PTER: variants seen among roughly 807,000 people sequenced by gnomAD.
The protein encoded by PTER is phosphotriesterase related, also known as N-acetyltaurine hydrolase.
Under a neutral mutation model 29.6 loss-of-function variants are expected in PTER, and 38 were observed. That is an observed-to-expected ratio of 1.28 (90% CI 0.99 to 1.68). The LOEUF (loss-of-function observed/expected upper bound fraction) is 1.68. PTER is among the 40% of genes most tolerant of loss of function. The probability of loss-of-function intolerance (pLI) is 0.00; values close to 1 mark genes in which losing one functional copy is unlikely to be tolerated. For synonymous variants in PTER, 172 were observed against 154.5 expected, an observed-to-expected ratio of 1.11 and a Z score of -0.84; for missense variants, 482 against 427.8, an observed-to-expected ratio of 1.13 and a Z score of -1.12.
At chr10:16,495,168 C>CTTTTTTT (rs3047217) in intron 3 of PTER, among the ~76,000 whole-genome samples, 1 of 132,210 alleles carries the variant, frequency 7.6e-6, no homozygotes, top group African/African-American at 2.9e-5. Context: ...TTTGGAATTA[C>CTTTTTTT]TTTTTTTTTT....
At position 16,498,967 on chromosome 10, in the gene PTER, C is replaced by T. The variant is rs149184322; in HGVS notation, c.699-6053C>T. Among the ~76,000 whole-genome samples the T allele has an allele frequency of 4.4e-4, 67 of 152,264 alleles. No homozygotes were observed. In the East Asian group the frequency reaches 4.6e-3, roughly 11 times the overall value. On this transcript the variant is annotated intron_variant, in intron 3 of 4. Coordinates refer to ENST00000535784, the MANE Select transcript of PTER (RefSeq NM_001261836.2). ...TGTCACTACGATGGTGAGTGTGTCT[C>T]CGTAGTGTGAGTGCCTTGGAGGAGG...
chr10:16,458,333 A>G (rs973805389), intron 1 of PTER, among the ~76,000 whole-genome samples: 2 of 152,160 alleles, frequency 1.3e-5, no homozygotes, highest in South Asian at 2.1e-4. Context: ...TGCTAATACT[A>G]TTAAAATGCT....
At chr10:16,438,494 A>C (rs1833735260) in intron 1 of PTER, among the ~76,000 whole-genome samples, 1 of 148,568 alleles carries the variant, frequency 6.7e-6, no homozygotes. Context: ...TTTTTGGTAG[A>C]GACGGGGTTT....
At chr10:16,462,759 CG>C (rs1291202556) in intron 1 of PTER, among the ~76,000 whole-genome samples, 1 of 151,140 alleles carries the variant, frequency 6.6e-6, no homozygotes, top group East Asian at 2.0e-4. Flanking sequence ...TTAGTAGAGA[CG>C]GGGTTTCACC....
intron 1 of PTER, among the ~76,000 whole-genome samples, chr10:16,465,866 G>C (rs1834792146): frequency 2.6e-5 from 4 of 152,178 alleles, no homozygotes; most frequent in Non-Finnish European, 5.9e-5. Flanking sequence ...GCAGGAGAGA[G>C]AGGGCAAGTG....
intron 3 of PTER, among the ~76,000 whole-genome samples, chr10:16,487,276 T>A (rs1490238967): frequency 6.6e-6 from 1 of 152,142 alleles, no homozygotes; most frequent in East Asian, 1.9e-4. Context: ...GAAATGAAAC[T>A]TTGTCAGGGC....
chr10:16,484,074 T>C (rs1178470330), intron 1 of PTER, among the ~76,000 whole-genome samples: 4 of 152,062 alleles, frequency 2.6e-5, no homozygotes, highest in Admixed American at 2.0e-4. Context: ...CAAAGAATAT[T>C]TCCAGTAGAT....
chr10:16,496,636 C>T (rs1836113129), intron 3 of PTER, among the ~76,000 whole-genome samples: 1 of 152,226 alleles, frequency 6.6e-6, no homozygotes, highest in Non-Finnish European at 1.5e-5. Context: ...CCTAGCAGCA[C>T]TCTTACCATG....
chr10:16,466,445 T>C (rs1162517827), intron 1 of PTER, among the ~76,000 whole-genome samples: 1 of 152,112 alleles, frequency 6.6e-6, no homozygotes, highest in Non-Finnish European at 1.5e-5. Context: ...AACCTCCGCC[T>C]CCCCAATTCA....
In PTER at chr10:16,512,190, G is replaced by C. The variant is rs1216162806; in HGVS notation, c.*934G>C. On this transcript the variant is annotated 3_prime_UTR_variant, in exon 5 of 5. Transcript: ENST00000535784. ...AGAAAAGGTCAGATCTATTGGAAAT[G>C]ACAGCCCGATACTTGAGCCTCCTCT... The C allele has an allele frequency of 6.6e-6, 1 of 152,112 alleles. No homozygotes were observed. The highest frequency in any genetic ancestry group is 1.5e-5 in the Non-Finnish European group (1 of 67,982). The allele number at this position is 152,112 out of a possible 1,614,324, so 9.4% of individuals were successfully genotyped here.
At chr10:16,508,251 G>T (rs1454006784) in intron 4 of PTER, among the ~76,000 whole-genome samples, 2 of 151,550 alleles carry the variant, frequency 1.3e-5, no homozygotes, top group Non-Finnish European at 1.5e-5. Context: ...TGTATTTTTA[G>T]TAGAGACGGG....
chr10:16,460,802 T>C (rs934520425), intron 1 of PTER, among the ~76,000 whole-genome samples: 8 of 152,260 alleles, frequency 5.3e-5, no homozygotes, highest in African/African-American at 1.9e-4. Context: ...CTGCAACCTC[T>C]ACCTCCCGGG....
chr10:16,494,339 C>T (rs1301336842), intron 3 of PTER, among the ~76,000 whole-genome samples: 3 of 152,144 alleles, frequency 2.0e-5, no homozygotes, highest in African/African-American at 7.2e-5. Context: ...TAAGCCTACA[C>T]TTAAGTCATA....
At chr10:16,457,208 GT>G (rs1834434921) in intron 1 of PTER, among the ~76,000 whole-genome samples, 1 of 151,758 alleles carries the variant, frequency 6.6e-6, no homozygotes, top group Non-Finnish European at 1.5e-5. Flanking sequence ...TTGTTTGTTT[GT>G]TTGTTTGTTT....
chr10:16,440,599 T>C (rs1468714701), intron 1 of PTER, among the ~76,000 whole-genome samples: 8 of 152,190 alleles, frequency 5.3e-5, no homozygotes, highest in East Asian at 1.9e-4. Context: ...CCACGTGACT[T>C]GTTTGGCTAA....
At chr10:16,464,019 G>A (rs1834720093) in intron 1 of PTER, among the ~76,000 whole-genome samples, 1 of 152,140 alleles carries the variant, frequency 6.6e-6, no homozygotes, top group African/African-American at 2.4e-5. Flanking sequence ...CTCACCTTCT[G>A]TTGATCCCTT....
chr10:16,459,755 T>TTAC (rs1834540616), intron 1 of PTER, among the ~76,000 whole-genome samples: 1 of 150,788 alleles, frequency 6.6e-6, no homozygotes, highest in African/African-American at 2.4e-5. Context: ...TATTTATTTA[T>TTAC]TTACTTATTT....
Position 16,441,888 on chromosome 10 carries a change from C to CTT in PTER, c.-49+4851_-49+4852dup, listed in dbSNP as rs376704985. ...CACTGAATTCACTTACATAATCAGC[C>CTT]TTTTTTTTTTTCCTGTTCCCTACTT... is the stretch of plus-strand genomic sequence containing the variant. On this transcript the variant is annotated intron_variant, in intron 1 of 4. Transcript: ENST00000535784. 4.8e-5 allele frequency among the ~76,000 whole-genome samples: 7 copies of CTT among 146,308 alleles called. No homozygotes were observed. In the East Asian group the frequency reaches 9.9e-4, roughly 21 times the overall value.
chr10:16,439,749 T>TG (rs942780909), intron 1 of PTER, among the ~76,000 whole-genome samples: 5 of 152,094 alleles, frequency 3.3e-5, no homozygotes, highest in African/African-American at 1.2e-4. Flanking sequence ...TTTGTAGAGA[T>TG]GGGGGGTCTT....
Sources: allele counts gnomAD v4.1 joint callset (sites outside exome capture counted in the v4.1 genomes callset), GRCh38; gene constraint gnomAD v4.1.1; transcripts MANE v1.5; gene names NCBI Gene and HGNC (gene_info 2026-07-23, HGNC 2026-07-21).